PALS2: variants seen among roughly 807,000 people sequenced by gnomAD.
PALS2 encodes the protein protein associated with LIN7 2, MAGUK p55 family member.
Under a neutral mutation model 61.6 loss-of-function variants are expected in PALS2, and 27 were observed. The observed-to-expected ratio is 0.44, with a 90% CI of 0.32 to 0.60. PALS2 has a LOEUF of 0.60. PALS2 is among the 20% of genes least tolerant of loss of function. PALS2 has a pLI of 0.05. For missense variants in PALS2, 554 were observed against 639.4 expected (o/e 0.87, Z 1.44); for synonymous variants, 236 against 218.6 (o/e 1.08, Z -0.70).
chr7:24,650,033 A>G (rs1786058773), intron 4 of PALS2, among the ~76,000 whole-genome samples: 2 of 152,112 alleles, frequency 1.3e-5, no homozygotes, highest in Non-Finnish European at 2.9e-5. Context: ...GTTTCTTCCT[A>G]CCCTTTGAAG....
intron 7 of PALS2, 55 bp from the exon 8 acceptor site, chr7:24,665,966 A>G (rs1038395144): frequency 2.8e-5 from 43 of 1,518,840 alleles, no homozygotes; most frequent in Admixed American, 2.4e-4. Context: ...CTATAGGGCA[A>G]TTTTTTCATA....
At chr7:24,602,338 C>G (rs1163238673) in intron 1 of PALS2, among the ~76,000 whole-genome samples, 2 of 151,908 alleles carry the variant, frequency 1.3e-5, no homozygotes, top group Middle Eastern at 3.2e-3. Flanking sequence ...CTTTCATTTA[C>G]TAGGCTTTTC....
rs981223025 is a variant in PALS2, at chr7:24,619,633, G to A, written c.-2-4033G>A. The stretch of plus-strand genomic sequence containing the variant: ...CTCGGGAGGCTGAGGCAGGAGAATG[G>A]CGTGAACCTGGGAGGCGGAGCTTGC... On this transcript the variant is annotated intron_variant, in intron 1 of 11. Transcript: ENST00000222644. Among the ~76,000 whole-genome samples, 64 of 151,276 alleles carry A rather than the reference G, an allele frequency of 4.2e-4. 1 individual carries two copies. Among genetic ancestry groups the A allele is most frequent in the Non-Finnish European group, 8.3e-4 (56 of 67,840 alleles).
chr7:24,599,771 CCGGGATTACAGGTGTGA>C (rs1783652237), intron 1 of PALS2, among the ~76,000 whole-genome samples: 1 of 152,000 alleles, frequency 6.6e-6, no homozygotes, highest in Non-Finnish European at 1.5e-5. Flanking sequence ...TCCCAAAGTG[CCGGGATTACAGGTGTGA>C]GCCACTGCAC....
chr7:24,636,359 T>TA (rs138786112), intron 2 of PALS2, among the ~76,000 whole-genome samples: 2,476 of 152,304 alleles, frequency 0.016, 78 homozygotes, highest in African/African-American at 0.057. Context: ...TCAGAATTTT[T>TA]ATCTCTGCCA....
At chr7:24,583,908 G>A (rs1461394119) in intron 1 of PALS2, among the ~76,000 whole-genome samples, 5 of 151,340 alleles carry the variant, frequency 3.3e-5, no homozygotes, top group South Asian at 2.1e-4. Context: ...GAGAATATGC[G>A]GTGTTTGGTT....
intron 1 of PALS2, among the ~76,000 whole-genome samples, chr7:24,588,879 GT>G (rs1360713417): frequency 6.6e-6 from 1 of 152,068 alleles, no homozygotes; most frequent in Non-Finnish European, 1.5e-5. Flanking sequence ...AAAGGGGTGT[GT>G]TTTTAGAAAA....
chr7:24,663,914 G>GCGGAATTAAC (rs1786874262), intron 6 of PALS2, among the ~76,000 whole-genome samples, 193 bp downstream of exon 6: 1 of 152,170 alleles, frequency 6.6e-6, no homozygotes, highest in Non-Finnish European at 1.5e-5. Context: ...CTTAATAAGT[G>GCGGAATTAAC]CAGAATTAAC....
intron 1 of PALS2, among the ~76,000 whole-genome samples, chr7:24,583,996 A>C (rs373699021): frequency 6.0e-5 from 9 of 149,172 alleles, no homozygotes; most frequent in African/African-American, 1.2e-4. Context: ...TGAACTCATC[A>C]TTTTTTATGG....
At chr7:24,622,683 CTTTTTTTTTTTTT>C (rs70942815) in intron 1 of PALS2, among the ~76,000 whole-genome samples, 2 of 135,698 alleles carry the variant, frequency 1.5e-5, no homozygotes, top group Non-Finnish European at 3.2e-5. Context: ...TTTCTTTTTT[CTTTTTTTTTTTTT>C]TGCTTAACAG....
At chr7:24,665,994 A>G (rs747860779) in intron 7 of PALS2, 27 bp from the exon 8 acceptor site, 4 of 1,576,912 alleles carry the variant, frequency 2.5e-6, no homozygotes, top group Non-Finnish European at 3.5e-6. Context: ...ATACTGCTTA[A>G]GTTATATTTG....
rs114890020 is a variant in PALS2 at position 24,611,973 on chromosome 7, G to T, written c.-2-11693G>T. Among the ~76,000 whole-genome samples, 791 of 152,014 alleles carry T rather than the reference G, an allele frequency of 5.2e-3. 7 individuals carry two copies. Among genetic ancestry groups the T allele is most frequent in the African/African-American group, 0.017 (723 of 41,516 alleles). ...TGATAATGGCAAGGACTCATTAGGG[G>T]GTGATGGAAAGAAACTGATAGATTC... On this transcript the variant is annotated intron_variant, in intron 1 of 11. Coordinates refer to ENST00000222644, the MANE Select transcript of PALS2 (RefSeq NM_001303037.2).
intron 1 of PALS2, among the ~76,000 whole-genome samples, chr7:24,605,262 A>T (rs902805272): frequency 1.3e-5 from 2 of 152,244 alleles, no homozygotes; most frequent in East Asian, 3.8e-4. Flanking sequence ...GATGAAATTC[A>T]TTAGGATGTT....
At chr7:24,663,819 A>G (rs1786866450) in intron 6 of PALS2, 98 bp downstream of exon 6, 1 of 1,406,784 alleles carries the variant, frequency 7.1e-7, no homozygotes, top group South Asian at 1.2e-5. Flanking sequence ...AGCATTTGTT[A>G]CAATGATTTT....
rs1163746576 is a variant in PALS2 at position 24,638,521 on chromosome 7, C to T, written c.118-3195C>T. Among the ~76,000 whole-genome samples the T allele has an allele frequency of 3.3e-5, 2 of 61,204 alleles. 1 individual carries two copies. Among genetic ancestry groups the T allele is most frequent in the Non-Finnish European group, 5.1e-5 (2 of 38,906 alleles). 40.2% of individuals were successfully genotyped at this position (61,204 alleles called of 152,430 possible). ...AATTTTTTGTATTTTTTAGTAGAGA[C>T]GGGGTTTCACCGTTTTAGCCGGGAT... On this transcript the variant is annotated intron_variant, in intron 2 of 11. Transcript: ENST00000222644.
intron 3 of PALS2, among the ~76,000 whole-genome samples, chr7:24,647,210 G>C (rs1003595756): frequency 2.7e-5 from 4 of 150,452 alleles, no homozygotes; most frequent in Admixed American, 6.6e-5. Flanking sequence ...GCAGTGGCAC[G>C]ATCTCGGTTC....
intron 9 of PALS2, among the ~76,000 whole-genome samples, chr7:24,676,980 T>G (rs542485407): frequency 2.6e-5 from 4 of 151,394 alleles, no homozygotes; most frequent in Admixed American, 2.6e-4. Flanking sequence ...ATGGCCATTT[T>G]CACGATATTG....
rs780624526 is a variant in PALS2, at chr7:24,668,617, G to A, written c.1071G>A (p.Arg357=). ...QGVGRRSLKN[R]FIVLNPTRFG... is the part of the protein sequence containing the mutation. ...TAGGCCGAAGAAGCTTGAAAAACAGGTTCATAGTATTGAATCCCACTAGAT... is the reference window on the plus strand; with the variant it reads ...TAGGCCGAAGAAGCTTGAAAAACAGATTCATAGTATTGAATCCCACTAGAT... The change falls in exon 9 of 12, where the codon AGG becomes AGA. Residue 357 remains arginine (R), a synonymous_variant. Transcript: ENST00000222644. 2 of 1,613,818 alleles carry A rather than the reference G, an allele frequency of 1.2e-6. No homozygotes were observed. Among genetic ancestry groups the A allele is most frequent in the Non-Finnish European group, 1.7e-6 (2 of 1,179,914 alleles).
At chr7:24,685,261 C>T (rs907990821) in intron 11 of PALS2, among the ~76,000 whole-genome samples, 1 of 152,154 alleles carries the variant, frequency 6.6e-6, no homozygotes, top group African/African-American at 2.4e-5. Context: ...ACTTGAAACA[C>T]AGGTTTATTT....
Sources: allele counts gnomAD v4.1 joint callset (sites outside exome capture counted in the v4.1 genomes callset), GRCh38; gene constraint gnomAD v4.1.1; transcripts MANE v1.5; gene names NCBI Gene and HGNC (gene_info 2026-07-23, HGNC 2026-07-21).